Variants in NFIB observed in about 807,000 individuals in gnomAD.
The protein encoded by NFIB is nuclear factor 1 B-type.
A neutral mutation model predicts 61.5 loss-of-function variants in NFIB; 11 were observed. The observed-to-expected ratio is 0.18, with a 90% confidence interval of 0.11 to 0.30. NFIB has a LOEUF of 0.30. NFIB is among the 10% of genes least tolerant of loss of function. NFIB has a pLI of 1.00. For missense variants in NFIB, 471 were observed against 608.9 expected, an observed-to-expected ratio of 0.77 and a Z score of 2.38; for synonymous variants, 260 against 216.5, an observed-to-expected ratio of 1.20 and a Z score of -1.76.
At chr9:14,237,355 C>T (rs2053840342) in intron 2 of NFIB, among the ~76,000 whole-genome samples, 1 of 152,172 alleles carries the variant, frequency 6.6e-6, no homozygotes, top group Admixed American at 6.5e-5. Context: ...ATTCTTAGCC[C>T]TCTTCTCATC....
At chr9:14,522,405 C>G in the NFIB span, among the ~76,000 whole-genome samples, 1 of 152,034 alleles carries the variant, frequency 6.6e-6, no homozygotes, top group East Asian at 1.9e-4. Context: ...GCCTCACATA[C>G]GATAATTAAC....
intron 1 of NFIB, chr9:14,398,485 G>C: frequency 6.9e-7 from 1 of 1,449,888 alleles, no homozygotes; most frequent in Non-Finnish European, 9.3e-7. Flanking sequence ...GGACCTATTT[G>C]AAAGAAAAAC....
At chr9:14,187,013 GTGTGTGTGTGTGTA>G (rs767864252) in intron 2 of NFIB, among the ~76,000 whole-genome samples, 49,945 of 91,444 alleles carry the variant, frequency 0.55, 10,744 homozygotes, top group Non-Finnish European at 0.64. Flanking sequence ...TCCTGTGTGT[GTGTGTGTGTGTGTA>G]TGTGTGTGTG....
Position 14,273,031 on chromosome 9 carries a change from G to C in NFIB, c.562+33958C>G, listed in dbSNP as rs191474438. On this transcript the variant is annotated intron_variant, in intron 2 of 10. Coordinates refer to ENST00000380953, the MANE Select transcript of NFIB (RefSeq NM_001190737.2). ...TAAAAATGAATTAAGATTATATTGA[G>C]AGTGTCAGTCCTAAGTCAAGAAAAC... Among the ~76,000 whole-genome samples, 345 of 152,246 alleles carry C rather than the reference G, an allele frequency of 2.3e-3. 1 individual carries two copies. The highest frequency in any genetic ancestry group is 2.0e-3 in the Non-Finnish European group (134 of 68,014).
intron 2 of NFIB, among the ~76,000 whole-genome samples, chr9:14,218,092 G>C (rs967421296): frequency 2.0e-5 from 3 of 152,208 alleles, no homozygotes; most frequent in South Asian, 2.1e-4. Flanking sequence ...AGAAGGCAGT[G>C]GTTGCTTTGC....
rs568385360 is a variant in NFIB, at chr9:14,203,930, G to A, written c.563-24150C>T. On this transcript the variant is annotated intron_variant, in intron 2 of 10. Transcript: ENST00000380953. ...TAAAGAAACTCATTTAATTTGTGGG[G>A]AAAAAAAAATGTTAAAAAAAACCTC... Among the ~76,000 whole-genome samples, 717 of 150,458 alleles carry A rather than the reference G, an allele frequency of 4.8e-3. 6 individuals are homozygous for A. Among genetic ancestry groups the A allele is most frequent in the African/African-American group, 0.017 (677 of 41,010 alleles).
the NFIB span, among the ~76,000 whole-genome samples, chr9:14,438,229 A>T: frequency 6.6e-6 from 1 of 152,186 alleles, no homozygotes. Flanking sequence ...TTTAGGGGGA[A>T]AATAAGATAG....
chr9:14,306,945 A>G (rs4741362), intron 2 of NFIB, 44 bp downstream of exon 2: 1,596,695 of 1,599,268 alleles, frequency 1, 797,089 homozygotes, highest in East Asian at 1. Flanking sequence ...GGAGATTTGT[A>G]GGCGGTGTTT....
chr9:14,468,928 C>T, the NFIB span, among the ~76,000 whole-genome samples: 2 of 152,152 alleles, frequency 1.3e-5, no homozygotes, highest in Non-Finnish European at 2.9e-5. Context: ...GGTGGCTTCT[C>T]ACTCTCATAT....
chr9:14,199,224 C>T (rs1048264914), intron 2 of NFIB, among the ~76,000 whole-genome samples: 9 of 152,168 alleles, frequency 5.9e-5, no homozygotes, highest in Admixed American at 1.3e-4. Context: ...GATTTTTTGG[C>T]AATTGTGTTC....
At chr9:14,366,412 C>A (rs1297992290) in intron 1 of NFIB, among the ~76,000 whole-genome samples, 1 of 152,184 alleles carries the variant, frequency 6.6e-6, no homozygotes, top group Non-Finnish European at 1.5e-5. Flanking sequence ...GAAGACAAGA[C>A]CACTTCCTAT....
Position 14,307,009 on chromosome 9 carries a change from G to C in NFIB, c.542C>G (p.Ala181Gly). Residue 181 changes from alanine (A) to glycine (G), a missense_variant, in exon 2 of 11, where the codon GCA becomes GGA. Transcript: ENST00000380953. This position sits in a 1 kb window ranked among gnomAD's most constrained non-coding sequence, Gnocchi z 5.3. Reference sequence around the variant, plus strand: ...CCTACCTTGCTCCTGCACGTAGTATGCCAAAAACAAATCAAGCTCCTTAAC... The same window carrying C: ...CCTACCTTGCTCCTGCACGTAGTATCCCAAAAACAAATCAAGCTCCTTAAC... ...VSVKELDLFL[A>G]YYVQEQDSGQ... The C allele has an allele frequency of 6.2e-7, 1 of 1,614,112 alleles. No individual in the cohort carries two copies. The highest frequency in any genetic ancestry group is 8.5e-7 in the Non-Finnish European group (1 of 1,180,004).
chr9:14,462,160 A>G, the NFIB span, among the ~76,000 whole-genome samples: 79 of 152,384 alleles, frequency 5.2e-4, no homozygotes, highest in African/African-American at 1.9e-3. Flanking sequence ...TAGTCAAAAC[A>G]TTTTAATACA....
At chr9:14,140,279 A>G (rs1003109555) in intron 6 of NFIB, among the ~76,000 whole-genome samples, 1 of 152,156 alleles carries the variant, frequency 6.6e-6, no homozygotes, top group African/African-American at 2.4e-5. Context: ...CAGTTATTCA[A>G]CCATCTATGA....
At chr9:14,334,277 C>T (rs1015080454) in intron 1 of NFIB, among the ~76,000 whole-genome samples, 2 of 152,112 alleles carry the variant, frequency 1.3e-5, no homozygotes, top group Admixed American at 1.3e-4. Context: ...GGTAAATTTT[C>T]GTAGACAATG....
intron 2 of NFIB, among the ~76,000 whole-genome samples, chr9:14,258,508 T>C (rs1052577717): frequency 6.6e-6 from 1 of 152,234 alleles, no homozygotes; most frequent in South Asian, 2.1e-4. Flanking sequence ...CAAAGACAGA[T>C]GATGTTGCAC....
At chr9:14,215,905 C>T (rs2050803011) in intron 2 of NFIB, among the ~76,000 whole-genome samples, 2 of 152,078 alleles carry the variant, frequency 1.3e-5, no homozygotes, top group Non-Finnish European at 2.9e-5. Flanking sequence ...GCAATCTCTC[C>T]CAAGCAGCAC....
chr9:14,155,736 G>C (rs2043319976), intron 4 of NFIB, 89 bp downstream of exon 4: 2 of 644,322 alleles, frequency 3.1e-6, no homozygotes, highest in South Asian at 5.8e-5. Context: ...CTAATATGTG[G>C]TCACTCTTTA....
intron 2 of NFIB, among the ~76,000 whole-genome samples, chr9:14,202,114 A>G (rs1457177262): frequency 7.0e-6 from 1 of 143,018 alleles, no homozygotes; most frequent in Non-Finnish European, 1.5e-5. Flanking sequence ...TTTTGAAGAT[A>G]AAATTGATAC....
Sources: allele counts gnomAD v4.1 joint callset (sites outside exome capture counted in the v4.1 genomes callset), GRCh38; gene constraint gnomAD v4.1.1; non-coding constraint Gnocchi (gnomAD v3.1); transcripts MANE v1.5; gene names NCBI Gene and HGNC (gene_info 2026-07-23, HGNC 2026-07-21).